Variants in CCDC102B observed in about 807,000 individuals in gnomAD.
The protein encoded by CCDC102B is coiled-coil domain-containing protein 102B.
CCDC102B carries 75 observed loss-of-function variants against 57.4 expected under a neutral mutation model. That is an observed-to-expected ratio of 1.31 (90% CI 1.08 to 1.58). The LOEUF (loss-of-function observed/expected upper bound fraction) is 1.58. CCDC102B is among the 40% of genes most tolerant of loss of function. The probability of loss-of-function intolerance (pLI) is 0.00; values close to 1 mark genes in which losing one functional copy is unlikely to be tolerated. For synonymous variants in CCDC102B, 206 were observed against 201.9 expected (o/e 1.02, Z -0.17); for missense variants, 636 against 582.6 (o/e 1.09, Z -0.94).
chr18:68,927,700 C>G (rs778738554), intron 6 of CCDC102B, among the ~76,000 whole-genome samples: 42 of 152,014 alleles, frequency 2.8e-4, no homozygotes, highest in Middle Eastern at 3.4e-3. Context: ...GGATATAATA[C>G]TAACCAAGAC....
At chr18:69,011,467 A>G (rs1199641106) in intron 7 of CCDC102B, among the ~76,000 whole-genome samples, 1 of 151,918 alleles carries the variant, frequency 6.6e-6, no homozygotes, top group African/African-American at 2.4e-5. Context: ...AAAGTGTGAT[A>G]TATCTTATTA....
intron 1 of CCDC102B, among the ~76,000 whole-genome samples, chr18:68,821,054 A>G (rs1165649387): frequency 6.6e-6 from 1 of 152,150 alleles, no homozygotes; most frequent in Non-Finnish European, 1.5e-5. Context: ...CTAAATGAGG[A>G]TAAGTGGCTT....
At chr18:68,749,072 G>T (rs1430118277) in intron 2 of CCDC102B, among the ~76,000 whole-genome samples, 1 of 152,162 alleles carries the variant, frequency 6.6e-6, no homozygotes, top group Non-Finnish European at 1.5e-5. Flanking sequence ...ATTTGTCAAA[G>T]ATCACATGGT....
chr18:68,895,370 G>GA (rs1227813177), intron 5 of CCDC102B, among the ~76,000 whole-genome samples: 2 of 151,574 alleles, frequency 1.3e-5, no homozygotes, highest in Non-Finnish European at 3.0e-5. Context: ...ATATATATAT[G>GA]AAAAAGCAGT....
intron 2 of CCDC102B, among the ~76,000 whole-genome samples, chr18:68,773,566 A>G (rs2034712213): frequency 3.3e-5 from 5 of 152,032 alleles, no homozygotes; most frequent in African/African-American, 1.2e-4. Context: ...GTACTTAAAT[A>G]TGATTGGTTT....
At chr18:68,722,250 A>G (rs1281452432) in intron 2 of CCDC102B, among the ~76,000 whole-genome samples, 1 of 152,198 alleles carries the variant, frequency 6.6e-6, no homozygotes. Flanking sequence ...ACTGGAATGT[A>G]GTAAAGAAAG....
chr18:68,743,349 A>G (rs541454814), intron 2 of CCDC102B, among the ~76,000 whole-genome samples: 2 of 152,314 alleles, frequency 1.3e-5, no homozygotes, highest in African/African-American at 2.4e-5. Flanking sequence ...TGGAGCCTGC[A>G]GTGAGCCAAG....
intron 2 of CCDC102B, among the ~76,000 whole-genome samples, chr18:68,758,887 A>G (rs1264585008): frequency 6.6e-6 from 1 of 151,816 alleles, no homozygotes; most frequent in Non-Finnish European, 1.5e-5. Context: ...CTTAACAAAT[A>G]AAAATACAAC....
chr18:68,878,980 T>C (rs1163458192), intron 5 of CCDC102B, among the ~76,000 whole-genome samples: 1 of 152,128 alleles, frequency 6.6e-6, no homozygotes, highest in African/African-American at 2.4e-5. Flanking sequence ...TTGTTCCTTC[T>C]GATGTTCGGA....
chr18:68,800,120 A>C (rs1298098871), intron 1 of CCDC102B, among the ~76,000 whole-genome samples: 3 of 152,006 alleles, frequency 2.0e-5, no homozygotes, highest in Non-Finnish European at 4.4e-5. Flanking sequence ...TTTACACATT[A>C]TTTTCATTTT....
intron 3 of CCDC102B, among the ~76,000 whole-genome samples, chr18:68,841,840 C>T (rs1007864791): frequency 3.3e-5 from 5 of 152,140 alleles, no homozygotes; most frequent in Non-Finnish European, 7.4e-5. Flanking sequence ...TCAAGCCATC[C>T]TCCCACCTCA....
intron 5 of CCDC102B, among the ~76,000 whole-genome samples, 186 bp from the exon 6 acceptor site, chr18:68,897,033 C>T (rs527586017): frequency 2.0e-5 from 3 of 152,128 alleles, no homozygotes; most frequent in Middle Eastern, 3.4e-3. Context: ...TATTTATCTA[C>T]GGTTTGGCCT....
intron 6 of CCDC102B, among the ~76,000 whole-genome samples, chr18:68,907,756 T>G (rs2145058588): frequency 6.6e-6 from 1 of 152,328 alleles, no homozygotes; most frequent in South Asian, 2.1e-4. Flanking sequence ...CTTTATGCTT[T>G]GCAATTTGCA....
At chr18:68,730,446 T>C (rs1241268611) in intron 2 of CCDC102B, among the ~76,000 whole-genome samples, 1 of 152,172 alleles carries the variant, frequency 6.6e-6, no homozygotes, top group Non-Finnish European at 1.5e-5. Flanking sequence ...TTAGATACTT[T>C]TCCAGGACTC....
rs1326558805 is a variant in CCDC102B at position 68,746,483 on chromosome 18, G to A, written c.-67+29889G>A. ...TCATAATCCAAGCCATACTGAGATT[G>A]CACAAAAAATGACAAAGTCCCTAGT... On this transcript the variant is annotated intron_variant, in intron 2 of 3. Coordinates refer to the CCDC102B transcript ENST00000578970. Among the ~76,000 whole-genome samples, 4 of 152,192 alleles carry A rather than the reference G, an allele frequency of 2.6e-5. No individual in the cohort carries two copies. The East Asian group carries it at 5.8e-4, about 22-fold the overall frequency.
Position 68,807,712 on chromosome 18 carries a change from A to G in CCDC102B, c.-16+9531A>G, listed in dbSNP as rs536359557. Among the ~76,000 whole-genome samples the G allele has an allele frequency of 7.9e-5, 12 of 152,314 alleles. No homozygotes were observed. The East Asian group carries it at 2.3e-3, about 29-fold the overall frequency. ...AATTCCTTTACTTGTCTTTACTAAG[A>G]CAAACAACTATGCAAAAATGAAAGG... On this transcript the variant is annotated intron_variant, in intron 1 of 7. Transcript: ENST00000360242.
chr18:69,047,434 A>G (rs1173354625), intron 7 of CCDC102B, among the ~76,000 whole-genome samples: 1 of 152,174 alleles, frequency 6.6e-6, no homozygotes, highest in East Asian at 1.9e-4. Flanking sequence ...AACCAACATT[A>G]TACTGAATGG....
At chr18:69,013,614 C>T (rs1275716985) in intron 7 of CCDC102B, among the ~76,000 whole-genome samples, 1 of 152,158 alleles carries the variant, frequency 6.6e-6, no homozygotes, top group Non-Finnish European at 1.5e-5. Flanking sequence ...ACATTTGATA[C>T]ATTAGTTTCC....
At chr18:69,038,134 T>C (rs1169692634) in intron 7 of CCDC102B, among the ~76,000 whole-genome samples, 1 of 151,938 alleles carries the variant, frequency 6.6e-6, no homozygotes, top group Non-Finnish European at 1.5e-5. Flanking sequence ...ATAATAATTT[T>C]TTGCAAGAAA....
Sources: allele counts gnomAD v4.1 joint callset (sites outside exome capture counted in the v4.1 genomes callset), GRCh38; gene constraint gnomAD v4.1.1; transcripts MANE v1.5; gene names NCBI Gene and HGNC (gene_info 2026-07-23, HGNC 2026-07-21).